Variants in MGAT4C observed in about 807,000 individuals in gnomAD.
The protein encoded by MGAT4C is MGAT4 family member C.
A neutral mutation model predicts 40.1 loss-of-function variants in MGAT4C; 19 were observed. That is an observed-to-expected ratio of 0.47 (90% CI 0.33 to 0.70). The LOEUF (loss-of-function observed/expected upper bound fraction) is 0.70. MGAT4C is among the 30% of genes least tolerant of loss of function. The pLI is 0.02. For missense variants in MGAT4C, 491 were observed against 563.2 expected (o/e 0.87, Z 1.30); for synonymous variants, 181 against 187.1 (o/e 0.97, Z 0.27).
chr12:86,441,442 C>T (rs1366920615), intron 2 of MGAT4C, among the ~76,000 whole-genome samples: 1 of 151,472 alleles, frequency 6.6e-6, no homozygotes, highest in Non-Finnish European at 1.5e-5. Flanking sequence ...TGGTGTGCTG[C>T]ACCCATTAAC....
chr12:86,211,351 A>C (rs1025940010), intron 1 of MGAT4C, among the ~76,000 whole-genome samples: 2 of 145,236 alleles, frequency 1.4e-5, no homozygotes, highest in Non-Finnish European at 3.0e-5. Context: ...TCATGAGGTC[A>C]AGAGATCAAG....
intron 2 of MGAT4C, among the ~76,000 whole-genome samples, chr12:86,602,977 T>G (rs998585561): frequency 6.6e-6 from 1 of 151,540 alleles, no homozygotes; most frequent in Non-Finnish European, 1.5e-5. Context: ...CTGATGAATA[T>G]GAAGCATATT....
chr12:86,526,147 G>A (rs1486421142), intron 2 of MGAT4C, among the ~76,000 whole-genome samples: 1 of 152,136 alleles, frequency 6.6e-6, no homozygotes, highest in Non-Finnish European at 1.5e-5. Flanking sequence ...AAGGGTGGTT[G>A]CTCAGGATGG....
intron 1 of MGAT4C, among the ~76,000 whole-genome samples, chr12:86,764,388 A>G (rs1951463291): frequency 6.6e-6 from 1 of 152,160 alleles, no homozygotes; most frequent in Non-Finnish European, 1.5e-5. Flanking sequence ...AGCCCACCAC[A>G]GCTCAAGGAG....
At chr12:86,617,066 A>C (rs1227723936) in intron 2 of MGAT4C, among the ~76,000 whole-genome samples, 1 of 152,224 alleles carries the variant, frequency 6.6e-6, no homozygotes, top group Non-Finnish European at 1.5e-5. Context: ...GTATTTTAAA[A>C]ATATTTACTA....
intron 2 of MGAT4C, among the ~76,000 whole-genome samples, chr12:86,716,112 C>G (rs1384503665): frequency 2.0e-5 from 3 of 151,970 alleles, no homozygotes; most frequent in Non-Finnish European, 4.4e-5. Context: ...AAAATAGTCC[C>G]ACTGGTTTTC....
intron 1 of MGAT4C, among the ~76,000 whole-genome samples, chr12:86,255,015 G>C (rs78853733): frequency 3.3e-5 from 5 of 151,986 alleles, no homozygotes; most frequent in African/African-American, 1.2e-4. Flanking sequence ...TCCAAATCCT[G>C]AGTTTTAATT....
chr12:85,967,144 G>A lies in MGAT4C; in HGVS notation c.*12145C>T, dbSNP rs1346220287. On this transcript the variant is annotated 3_prime_UTR_variant, in exon 5 of 5. Transcript: ENST00000611864. ...GTTCCTGAAGATATAACATTGATTT[G>A]TCTTTTTCTTATTTGATATCAGCTA... The A allele has an allele frequency of 6.6e-6, 1 of 152,074 alleles. No homozygotes were observed. The highest frequency in any genetic ancestry group is 2.4e-5 in the African/African-American group (1 of 41,398). 9.4% of individuals were successfully genotyped at this position (152,074 alleles called of 1,614,324 possible).
chr12:86,122,792 G>T (rs1248770785), intron 1 of MGAT4C, among the ~76,000 whole-genome samples: 2 of 152,064 alleles, frequency 1.3e-5, no homozygotes, highest in Non-Finnish European at 2.9e-5. Context: ...ATGTTCGTGT[G>T]TGTGTGTATA....
intron 2 of MGAT4C, among the ~76,000 whole-genome samples, chr12:86,486,968 G>T (rs1958030339): frequency 6.6e-6 from 1 of 152,064 alleles, no homozygotes; most frequent in Non-Finnish European, 1.5e-5. Context: ...TGCTTAAAAT[G>T]GATATACCAA....
chr12:86,695,635 CTG>C (rs1950242758), intron 2 of MGAT4C, among the ~76,000 whole-genome samples: 1 of 152,032 alleles, frequency 6.6e-6, no homozygotes, highest in Non-Finnish European at 1.5e-5. Flanking sequence ...GATGAAAAAA[CTG>C]AGAATCATTA....
intron 2 of MGAT4C, among the ~76,000 whole-genome samples, chr12:86,561,163 A>G (rs1959846293): frequency 6.6e-6 from 1 of 152,214 alleles, no homozygotes; most frequent in African/African-American, 2.4e-5. Context: ...TACACAAAAC[A>G]ATCAACAGAG....
intron 1 of MGAT4C, among the ~76,000 whole-genome samples, chr12:86,077,078 C>T (rs1276465042): frequency 1.3e-5 from 2 of 152,046 alleles, no homozygotes; most frequent in African/African-American, 2.4e-5. Flanking sequence ...GGTGGGTCTG[C>T]CTTTCACAAC....
At chr12:86,511,475 T>C (rs181569192) in intron 2 of MGAT4C, among the ~76,000 whole-genome samples, 27 of 152,272 alleles carry the variant, frequency 1.8e-4, no homozygotes, top group African/African-American at 5.8e-4. Flanking sequence ...GATTGTCCAG[T>C]GTTCGTATAT....
chr12:86,247,725 A>T (rs534990559), intron 1 of MGAT4C, among the ~76,000 whole-genome samples: 2 of 152,236 alleles, frequency 1.3e-5, no homozygotes, highest in African/African-American at 4.8e-5. Flanking sequence ...GGAACTGAAG[A>T]AGAAATTGTA....
At chr12:86,053,640 AAGAT>A (rs554833110) in intron 1 of MGAT4C, among the ~76,000 whole-genome samples, 88 of 152,120 alleles carry the variant, frequency 5.8e-4, no homozygotes, top group Admixed American at 2.6e-3. Flanking sequence ...ATAAAACAAA[AAGAT>A]AGCCTGCAAA....
intron 3 of MGAT4C, among the ~76,000 whole-genome samples, chr12:86,341,516 C>T (rs1954904086): frequency 6.6e-6 from 1 of 152,214 alleles, no homozygotes; most frequent in Non-Finnish European, 1.5e-5. Context: ...CAGCAAAAGC[C>T]CATAGGCTGC....
chr12:86,243,846 T>C (rs1015591922), intron 1 of MGAT4C, among the ~76,000 whole-genome samples: 102 of 152,140 alleles, frequency 6.7e-4, no homozygotes, highest in African/African-American at 2.2e-3. Context: ...ACTGGCCCAA[T>C]GAAACTGCAA....
chr12:85,987,116 ATTTTTTTTTTTTTTTTTTTTTTT>A (rs869139864), intron 3 of MGAT4C, among the ~76,000 whole-genome samples: 6 of 73,898 alleles, frequency 8.1e-5, no homozygotes, highest in East Asian at 5.1e-4. Flanking sequence ...TAAAATAATA[ATTTTTTTTTTTTTTTTTTTTTTT>A]TTTTTTTTTT....
Sources: allele counts gnomAD v4.1 joint callset (sites outside exome capture counted in the v4.1 genomes callset), GRCh38; gene constraint gnomAD v4.1.1; transcripts MANE v1.5; gene names NCBI Gene and HGNC (gene_info 2026-07-23, HGNC 2026-07-21).